ARHGAP24: variants seen among roughly 807,000 people sequenced by gnomAD.
The protein encoded by ARHGAP24 is Rho GTPase activating protein 24.
In ARHGAP24, 50 loss-of-function variants were observed where a neutral mutation model predicts 76.4. The observed-to-expected ratio is 0.65, with a 90% CI of 0.52 to 0.83. The LOEUF (loss-of-function observed/expected upper bound fraction) is 0.83. ARHGAP24 is among the 40% of genes least tolerant of loss of function. ARHGAP24 has a pLI of 0.00. For missense variants in ARHGAP24, 930 were observed against 914.2 expected (o/e 1.02, Z -0.22); for synonymous variants, 345 against 323.3 (o/e 1.07, Z -0.72).
At chr4:85,680,611 A>G (rs756663233) in intron 2 of ARHGAP24, among the ~76,000 whole-genome samples, 1 of 152,088 alleles carries the variant, frequency 6.6e-6, no homozygotes, top group Non-Finnish European at 1.5e-5. Context: ...TGCTGTCTTT[A>G]CATGTCTCAG....
chr4:85,845,286 A>G (rs1730820280), intron 3 of ARHGAP24, among the ~76,000 whole-genome samples: 1 of 152,186 alleles, frequency 6.6e-6, no homozygotes, highest in South Asian at 2.1e-4. Context: ...TATTATGCAG[A>G]CAAATTTGAA....
chr4:85,909,431 T>C (rs890396645), intron 3 of ARHGAP24, among the ~76,000 whole-genome samples: 11 of 152,204 alleles, frequency 7.2e-5, no homozygotes, highest in Admixed American at 7.2e-4. Context: ...TAACAAAATA[T>C]TCTATCACGT....
chr4:85,550,775 A>C (rs1726100895), intron 1 of ARHGAP24, among the ~76,000 whole-genome samples: 1 of 152,162 alleles, frequency 6.6e-6, no homozygotes, highest in Non-Finnish European at 1.5e-5. Flanking sequence ...CTCCCTGGTT[A>C]GATGTATTCC....
intron 8 of ARHGAP24, among the ~76,000 whole-genome samples, chr4:85,979,582 G>A (rs1047895186): frequency 3.3e-5 from 5 of 152,008 alleles, no homozygotes; most frequent in African/African-American, 4.8e-5. Context: ...TATACTTGTT[G>A]TGACTGGCTT....
chr4:85,487,766 T>TA (rs1333529723), intron 1 of ARHGAP24, among the ~76,000 whole-genome samples: 1 of 105,884 alleles, frequency 9.4e-6, no homozygotes, highest in African/African-American at 3.9e-5. Context: ...ATATATTATA[T>TA]AATATATATT....
At chr4:85,610,981 A>G (rs1270779315) in intron 2 of ARHGAP24, among the ~76,000 whole-genome samples, 1 of 152,172 alleles carries the variant, frequency 6.6e-6, no homozygotes, top group Non-Finnish European at 1.5e-5. Context: ...ATCATAATAG[A>G]AGAGAGGATG....
chr4:85,926,642 T>C (rs1438066651), intron 4 of ARHGAP24, among the ~76,000 whole-genome samples: 1 of 152,232 alleles, frequency 6.6e-6, no homozygotes, highest in East Asian at 1.9e-4. Flanking sequence ...AATAAAGTTA[T>C]ATGACCCAAA....
chr4:85,520,842 A>G (rs573364512), intron 1 of ARHGAP24, among the ~76,000 whole-genome samples: 1 of 152,302 alleles, frequency 6.6e-6, no homozygotes, highest in South Asian at 2.1e-4. Flanking sequence ...GATTTGACCA[A>G]TGAAGATAGA....
At chr4:85,809,607 G>A (rs904883648) in intron 3 of ARHGAP24, among the ~76,000 whole-genome samples, 1 of 152,070 alleles carries the variant, frequency 6.6e-6, no homozygotes, top group African/African-American at 2.4e-5. Flanking sequence ...TCAATGCTTA[G>A]TTCTAACATC....
chr4:85,476,516 G>A (rs1401786774), intron 1 of ARHGAP24, among the ~76,000 whole-genome samples: 1 of 152,136 alleles, frequency 6.6e-6, no homozygotes, highest in Non-Finnish European at 1.5e-5. Flanking sequence ...TATAAAAGTT[G>A]TTAAGGCTTT....
intron 1 of ARHGAP24, among the ~76,000 whole-genome samples, chr4:85,535,805 G>T (rs922987870): frequency 6.6e-6 from 1 of 152,026 alleles, no homozygotes; most frequent in African/African-American, 2.4e-5. Context: ...CTAAGTTATG[G>T]CTTTATTTTC....
chr4:85,740,712 G>A (rs556952185), intron 3 of ARHGAP24, among the ~76,000 whole-genome samples: 2 of 152,000 alleles, frequency 1.3e-5, no homozygotes, highest in South Asian at 2.1e-4. Context: ...TCTTTCCTTC[G>A]TGTGAGTGGA....
At chr4:85,523,255 G>T (rs756855714) in intron 1 of ARHGAP24, among the ~76,000 whole-genome samples, 1 of 152,142 alleles carries the variant, frequency 6.6e-6, no homozygotes, top group Non-Finnish European at 1.5e-5. Flanking sequence ...AAAATGAAAA[G>T]AATAAATTGT....
intron 1 of ARHGAP24, among the ~76,000 whole-genome samples, chr4:85,560,025 G>C (rs1726531590): frequency 6.6e-6 from 1 of 152,096 alleles, no homozygotes; most frequent in South Asian, 2.1e-4. Context: ...GTACTGGATT[G>C]AGATGGCATC....
intron 2 of ARHGAP24, among the ~76,000 whole-genome samples, chr4:85,642,750 G>A (rs187564862): frequency 4.5e-4 from 69 of 152,204 alleles, no homozygotes; most frequent in Non-Finnish European, 9.0e-4. Context: ...TTATTTCCCT[G>A]CTTCTGTTCT....
intron 4 of ARHGAP24, among the ~76,000 whole-genome samples, chr4:85,931,862 T>C (rs1736353856): frequency 6.6e-6 from 1 of 152,196 alleles, no homozygotes; most frequent in South Asian, 2.1e-4. Context: ...ATAATGTTAA[T>C]GACATGTGCA....
At chr4:85,845,468 G>A (rs1184879705) in intron 3 of ARHGAP24, among the ~76,000 whole-genome samples, 1 of 152,032 alleles carries the variant, frequency 6.6e-6, no homozygotes, top group Non-Finnish European at 1.5e-5. Flanking sequence ...CCAAACTATA[G>A]GTACATTAAT....
At chr4:85,888,041 A>G (rs1192845465) in intron 3 of ARHGAP24, among the ~76,000 whole-genome samples, 1 of 151,802 alleles carries the variant, frequency 6.6e-6, no homozygotes, top group Non-Finnish European at 1.5e-5. Context: ...CTTACCTATG[A>G]CCTCAGAAAT....
chr4:85,529,558 G>A (rs1004771432), intron 1 of ARHGAP24, among the ~76,000 whole-genome samples: 2 of 151,880 alleles, frequency 1.3e-5, no homozygotes, highest in African/African-American at 4.8e-5. Context: ...GATATTTTTG[G>A]CAGATAATTC....
Sources: allele counts gnomAD v4.1 joint callset (sites outside exome capture counted in the v4.1 genomes callset), GRCh38; gene constraint gnomAD v4.1.1; transcripts MANE v1.5; gene names NCBI Gene and HGNC (gene_info 2026-07-23, HGNC 2026-07-21).